Variants in RAD51B observed in about 807,000 individuals in gnomAD.
RAD51B encodes the protein DNA repair protein RAD51 homolog 2.
In RAD51B, 38 loss-of-function variants were observed where a neutral mutation model predicts 42.2. The ratio of observed to expected loss-of-function variants is 0.90; its 90% CI spans 0.70 to 1.18. RAD51B has a LOEUF of 1.18. RAD51B is among the 50% of genes most tolerant of loss of function. RAD51B has a pLI of 0.00. For synonymous variants in RAD51B, 154 were observed against 145.2 expected (o/e 1.06, Z -0.43); for missense variants, 373 against 400.7 (o/e 0.93, Z 0.59).
At chr14:68,517,134 T>A (rs970707514) in intron 10 of RAD51B, among the ~76,000 whole-genome samples, 18 of 152,100 alleles carry the variant, frequency 1.2e-4, no homozygotes, top group Non-Finnish European at 1.3e-4. Flanking sequence ...CACAAGTGCT[T>A]TTCCTCCAGA....
At chr14:68,478,816 T>C (rs1387287691), downstream of RAD51B, among the ~76,000 whole-genome samples, 1 of 152,180 alleles carries the variant, frequency 6.6e-6, no homozygotes, top group Non-Finnish European at 1.5e-5. Context: ...TGAAGATTGA[T>C]GAAGAAAGAC....
intron 9 of RAD51B, among the ~76,000 whole-genome samples, chr14:68,422,693 T>A (rs1275390877): frequency 6.6e-6 from 1 of 152,198 alleles, no homozygotes; most frequent in East Asian, 1.9e-4. Flanking sequence ...CTGATTATGT[T>A]ACCATAACAT....
At chr14:67,820,392 A>C (rs1262612378) in intron 1 of RAD51B, among the ~76,000 whole-genome samples, 1 of 152,112 alleles carries the variant, frequency 6.6e-6, no homozygotes, top group Non-Finnish European at 1.5e-5. Context: ...GGGCTCAATA[A>C]ATATTAGCTA....
chr14:68,287,214 A>C (rs1258566427), intron 7 of RAD51B, among the ~76,000 whole-genome samples: 1 of 151,988 alleles, frequency 6.6e-6, no homozygotes, highest in African/African-American at 2.4e-5. Context: ...TAAAGATCTT[A>C]ATTTTTCTCC....
downstream of RAD51B, among the ~76,000 whole-genome samples, chr14:68,598,043 A>G (rs1249164329): frequency 2.0e-5 from 3 of 152,200 alleles, no homozygotes; most frequent in Non-Finnish European, 4.4e-5. Context: ...CTAGAGACCC[A>G]TGGCAGTCTC....
intron 7 of RAD51B, among the ~76,000 whole-genome samples, chr14:67,950,105 T>C (rs1199015474): frequency 6.6e-6 from 1 of 152,192 alleles, no homozygotes; most frequent in East Asian, 1.9e-4. Flanking sequence ...ACTTAGAAAG[T>C]TGCCAACTGC....
intron 10 of RAD51B, among the ~76,000 whole-genome samples, chr14:68,610,437 C>A (rs2140106563): frequency 6.6e-6 from 1 of 152,332 alleles, no homozygotes; most frequent in South Asian, 2.1e-4. Flanking sequence ...ATCAGAGTGG[C>A]CTGTCTCCCT....
intron 10 of RAD51B, chr14:68,563,935 C>G: frequency 1.3e-5 from 13 of 982,286 alleles, no homozygotes; most frequent in Non-Finnish European, 1.6e-5. Context: ...ATAATATTGG[C>G]CCTGATAGAG....
At position 67,993,120 on chromosome 14, in the gene RAD51B, A is replaced by G. The variant is rs139494764; in HGVS notation, c.756+105916A>G. 2.5e-3 allele frequency among the ~76,000 whole-genome samples: 383 copies of G among 152,258 alleles called. 1 individual carries two copies. Among genetic ancestry groups the G allele is most frequent in the Non-Finnish European group, 4.3e-3 (291 of 68,012 alleles). ...TGGTACATAGTAGTTCTGTATATTT[A>G]TAGAGTACATGAGATATTTTGATAC... On this transcript the variant is annotated intron_variant, in intron 7 of 10. Transcript: ENST00000471583.
intron 7 of RAD51B, among the ~76,000 whole-genome samples, chr14:68,148,259 A>G (rs1392155237): frequency 1.3e-5 from 2 of 152,196 alleles, no homozygotes; most frequent in East Asian, 1.9e-4. Context: ...TTTCTAGTTT[A>G]TGGCTATTAC....
intron 11 of RAD51B, among the ~76,000 whole-genome samples, chr14:68,655,772 C>G (rs1378021460): frequency 6.6e-6 from 1 of 152,180 alleles, no homozygotes; most frequent in African/African-American, 2.4e-5. Context: ...GGAAACCGGC[C>G]CTAAGAGGTG....
chr14:68,437,629 G>T (rs2085178029), intron 9 of RAD51B, among the ~76,000 whole-genome samples: 1 of 152,010 alleles, frequency 6.6e-6, no homozygotes, highest in South Asian at 2.1e-4. Flanking sequence ...TATCCTTTCT[G>T]GGTACATATG....
At chr14:67,956,237 C>G (rs923975879) in intron 7 of RAD51B, among the ~76,000 whole-genome samples, 1 of 152,088 alleles carries the variant, frequency 6.6e-6, no homozygotes, top group African/African-American at 2.4e-5. Context: ...TGGTGGCTCA[C>G]GCCTGTAATC....
At chr14:68,496,357 T>C (rs997905588) in intron 10 of RAD51B, among the ~76,000 whole-genome samples, 9 of 152,366 alleles carry the variant, frequency 5.9e-5, no homozygotes, top group Non-Finnish European at 1.0e-4. Context: ...CTCTCCTCTC[T>C]GCAGCAGTGT....
chr14:68,291,412 G>A (rs1435253456), intron 7 of RAD51B, among the ~76,000 whole-genome samples: 1 of 151,472 alleles, frequency 6.6e-6, no homozygotes, highest in African/African-American at 2.4e-5. Flanking sequence ...CATTTGGTCA[G>A]GCTGGTCTCA....
intron 7 of RAD51B, among the ~76,000 whole-genome samples, chr14:68,120,979 A>G (rs2077641535): frequency 6.6e-6 from 1 of 152,172 alleles, no homozygotes; most frequent in African/African-American, 2.4e-5. Flanking sequence ...GTCTTCTGTC[A>G]TATTGCTAGG....
intron 8 of RAD51B, among the ~76,000 whole-genome samples, chr14:68,334,779 T>C (rs373304626): frequency 2.0e-5 from 3 of 151,896 alleles, no homozygotes; most frequent in South Asian, 2.1e-4. Context: ...AGAAATGTGA[T>C]TGGCATACTT....
At chr14:68,071,731 C>T (rs1331886775) in intron 7 of RAD51B, among the ~76,000 whole-genome samples, 3 of 151,510 alleles carry the variant, frequency 2.0e-5, no homozygotes, top group Non-Finnish European at 2.9e-5. Flanking sequence ...TTTCTTTTTT[C>T]ATTTCATCTC....
intron 8 of RAD51B, among the ~76,000 whole-genome samples, chr14:68,320,631 A>G (rs1052787361): frequency 6.6e-6 from 1 of 152,228 alleles, no homozygotes; most frequent in Non-Finnish European, 1.5e-5. Context: ...TATACTGCCC[A>G]ACACCCACTT....
Sources: gnomAD v4.1 joint callset for allele counts (sites outside exome capture counted in the v4.1 genomes callset) on GRCh38, gnomAD v4.1.1 for gene constraint, MANE v1.5 for transcripts, NCBI Gene and HGNC (gene_info 2026-07-23, HGNC 2026-07-21) for gene names.